The following PCSK6 variants were observed in gnomAD, a reference collection of about 807,000 sequenced individuals.
PCSK6 encodes proprotein convertase subtilisin/kexin type 6.
A neutral mutation model predicts 123.3 loss-of-function variants in PCSK6; 85 were observed. The ratio of observed to expected loss-of-function variants is 0.69; its 90% CI spans 0.58 to 0.83. The LOEUF is 0.83. Ranked by LOEUF, PCSK6 falls within the 40% of genes least tolerant of loss-of-function variation. PCSK6 has a pLI of 0.00. For synonymous variants in PCSK6, 508 were observed against 516.0 expected (o/e 0.98, Z 0.21); for missense variants, 1,191 against 1,282.3 (o/e 0.93, Z 1.09).
intron 11 of PCSK6, among the ~76,000 whole-genome samples, chr15:101,375,236 A>C (rs375955262): frequency 5.3e-4 from 81 of 152,296 alleles, no homozygotes; most frequent in African/African-American, 1.8e-3. Context: ...TACAGGCGTG[A>C]GCCACGGCGC....
chr15:101,387,505 TATTTTATTTTTGACTCTAG>T (rs2042100074), intron 9 of PCSK6, among the ~76,000 whole-genome samples: 1 of 152,262 alleles, frequency 6.6e-6, no homozygotes, highest in Non-Finnish European at 1.5e-5. Flanking sequence ...TGAAAAAATC[TATTTTATTTTTGACTCTAG>T]CAATAAAATC....
intron 11 of PCSK6, among the ~76,000 whole-genome samples, chr15:101,380,595 C>G (rs12441731): frequency 0.23 from 34,686 of 152,240 alleles, 4,066 homozygotes; most frequent in Middle Eastern, 0.28. Context: ...TCGGGGCCTG[C>G]AGTGACCACT....
At chr15:101,329,540 G>C (rs1294666762) in intron 15 of PCSK6, among the ~76,000 whole-genome samples, 2 of 152,222 alleles carry the variant, frequency 1.3e-5, no homozygotes, top group East Asian at 3.9e-4. Flanking sequence ...CTGGGCCTCT[G>C]CTTGAGCCTG....
chr15:101,382,270 T>C (rs1437856119), intron 10 of PCSK6, 61 bp from the exon 11 acceptor site: 1 of 1,329,806 alleles, frequency 7.5e-7, no homozygotes, highest in African/African-American at 1.4e-5. Flanking sequence ...GGAGCAAGGC[T>C]GGCTCTTGCA....
At chr15:101,348,805 G>A (rs896905466) in intron 13 of PCSK6, among the ~76,000 whole-genome samples, 5 of 152,112 alleles carry the variant, frequency 3.3e-5, no homozygotes, top group African/African-American at 4.8e-5. Flanking sequence ...CTCAGACCAC[G>A]CCTGCCAGCT....
chr15:101,315,027 C>G (rs2039956992), intron 19 of PCSK6, among the ~76,000 whole-genome samples: 1 of 152,224 alleles, frequency 6.6e-6, no homozygotes, highest in Non-Finnish European at 1.5e-5. Flanking sequence ...CCTCTCACGC[C>G]TCACCTGCTG....
intron 1 of PCSK6, among the ~76,000 whole-genome samples, chr15:101,460,689 G>GAA (rs2141204934): frequency 6.6e-6 from 1 of 152,298 alleles, no homozygotes; most frequent in South Asian, 2.1e-4. Context: ...TGATTTCCAA[G>GAA]AAAGCATAGT....
chr15:101,382,970 T>C (rs376939816), intron 10 of PCSK6, among the ~76,000 whole-genome samples: 1 of 152,214 alleles, frequency 6.6e-6, no homozygotes, highest in East Asian at 1.9e-4. Flanking sequence ...AGGGTAACTA[T>C]GCTTGACCTA....
At chr15:101,380,330 G>C (rs2041880183) in intron 11 of PCSK6, among the ~76,000 whole-genome samples, 1 of 152,236 alleles carries the variant, frequency 6.6e-6, no homozygotes, top group South Asian at 2.1e-4. Flanking sequence ...GAGCCGCCCT[G>C]ACGGGGACAC....
chr15:101,435,315 AAAAAAAG>A (rs1481599808), intron 2 of PCSK6, among the ~76,000 whole-genome samples: 4 of 129,306 alleles, frequency 3.1e-5, no homozygotes, highest in East Asian at 2.2e-4. Context: ...TGTCTCAAAA[AAAAAAAG>A]AAAGAAAGAA....
intron 6 of PCSK6, among the ~76,000 whole-genome samples, chr15:101,406,049 T>C (rs1322297885): frequency 6.6e-6 from 1 of 152,210 alleles, no homozygotes; most frequent in African/African-American, 2.4e-5. Flanking sequence ...GGCCGCCTGC[T>C]TCTAATTTAT....
chr15:101,351,228 T>A (rs2040882708), intron 13 of PCSK6, among the ~76,000 whole-genome samples: 1 of 152,186 alleles, frequency 6.6e-6, no homozygotes, highest in African/African-American at 2.4e-5. Context: ...AGGGCTGGGT[T>A]TACTGTTGAT....
chr15:101,440,847 G>A (rs1186852655), intron 2 of PCSK6, among the ~76,000 whole-genome samples: 1 of 152,190 alleles, frequency 6.6e-6, no homozygotes, highest in Non-Finnish European at 1.5e-5. Flanking sequence ...ACTGGGTGGA[G>A]TAAATATTAG....
chr15:101,439,986 A>G (rs1462110072), intron 2 of PCSK6, among the ~76,000 whole-genome samples: 1 of 152,250 alleles, frequency 6.6e-6, no homozygotes, highest in Non-Finnish European at 1.5e-5. Context: ...GCTAAAATGT[A>G]AGGTCTGGAA....
At chr15:101,356,065 T>C (rs2041030698) in intron 13 of PCSK6, among the ~76,000 whole-genome samples, 1 of 152,218 alleles carries the variant, frequency 6.6e-6, no homozygotes, top group African/African-American at 2.4e-5. Flanking sequence ...GAAGCATACA[T>C]GTTTCTCAGA....
In PCSK6 at chr15:101,479,814, C is replaced by T. The variant is rs138404761; in HGVS notation, c.297+9560G>A. 2.0e-4 allele frequency among the ~76,000 whole-genome samples: 31 copies of T among 152,250 alleles called. No individual in the cohort carries two copies. The East Asian group carries it at 5.6e-3, about 28-fold the overall frequency. Reference sequence around the variant, plus strand: ...CCAGATCTCCACCCAGGGAAGAGTCCGGCAATGATCAGGGAGGTGAACTTG... The same window carrying T: ...CCAGATCTCCACCCAGGGAAGAGTCTGGCAATGATCAGGGAGGTGAACTTG... On this transcript the variant is annotated intron_variant, in intron 1 of 21. Transcript: ENST00000611716.
Position 101,434,628 on chromosome 15 carries a change from G to A in PCSK6, c.403-2528C>T, listed in dbSNP as rs561153905. 6.6e-5 allele frequency among the ~76,000 whole-genome samples: 10 copies of A among 152,310 alleles called. No individual in the cohort carries two copies. The South Asian group carries it at 2.1e-3, about 32-fold the overall frequency. On this transcript the variant is annotated intron_variant, in intron 2 of 21. Coordinates refer to ENST00000611716, the MANE Select transcript of PCSK6 (RefSeq NM_002570.5). ...GGCTCTCTCTCTGTCGTGGTCGCAG[G>A]GGCAGCCCTCTCTCTGCTAACACAC... is the stretch of plus-strand genomic sequence containing the variant.
chr15:101,456,946 C>A (rs1261691437), intron 1 of PCSK6, among the ~76,000 whole-genome samples: 2 of 152,038 alleles, frequency 1.3e-5, no homozygotes, highest in Non-Finnish European at 2.9e-5. Context: ...GGAGGCCAAG[C>A]AGATCACCTG....
chr15:101,326,297 G>T, intron 16 of PCSK6, 80 bp downstream of exon 16: 3 of 1,041,432 alleles, frequency 2.9e-6, no homozygotes, highest in Non-Finnish European at 4.3e-6. Flanking sequence ...CCTAACTGGG[G>T]CATCAGGACA....
Sources: allele counts gnomAD v4.1 joint callset (sites outside exome capture counted in the v4.1 genomes callset), GRCh38; gene constraint gnomAD v4.1.1; transcripts MANE v1.5; gene names NCBI Gene and HGNC (gene_info 2026-07-23, HGNC 2026-07-21).